Variants in ZNF695 observed in about 807,000 individuals in gnomAD.
ZNF695 encodes the protein zinc finger protein 695.
Under a neutral mutation model 11.2 loss-of-function variants are expected in ZNF695, and 11 were observed. The observed-to-expected ratio is 0.98, with a 90% CI of 0.62 to 1.62. ZNF695 has a LOEUF of 1.62. Among genes scored for constraint, ZNF695 ranks in the 40% most tolerant of loss-of-function variants. ZNF695 has a pLI of 0.00. For synonymous variants in ZNF695, 190 were observed against 201.4 expected (o/e 0.94, Z 0.48); for missense variants, 559 against 590.5 (o/e 0.95, Z 0.55).
At chr1:247,000,144 C>G (rs2103031760) in intron 1 of ZNF695, 70 bp from the exon 2 acceptor site, 1 of 1,361,094 alleles carries the variant, frequency 7.3e-7, no homozygotes, top group South Asian at 1.4e-5. Flanking sequence ...CAAGGAGAGA[C>G]AGTGAAGAGA....
intron 5 of ZNF695, chr1:246,967,445 A>G: frequency 2.2e-6 from 1 of 456,374 alleles, no homozygotes; most frequent in South Asian, 1.5e-5. Flanking sequence ...GTCAGATAGG[A>G]TCTCCTAATG....
At chr1:246,964,468 A>C (rs1050588065) in intron 5 of ZNF695, among the ~76,000 whole-genome samples, 2 of 152,204 alleles carry the variant, frequency 1.3e-5, no homozygotes, top group Admixed American at 6.5e-5. Context: ...GATTCTCCTA[A>C]CGCCCCTATT....
rs575289655 is a variant in ZNF695 at position 246,976,519 on chromosome 1, G to C, written c.391-8727C>G. Reference sequence around the variant, plus strand: ...AAAAGGAGTAAATTACACTGGCCGGGCGCGGTGGCTCACACCTGTAATCCC... The same window carrying C: ...AAAAGGAGTAAATTACACTGGCCGGCCGCGGTGGCTCACACCTGTAATCCC... On this transcript the variant is annotated intron_variant, in intron 4 of 5. Transcript: ENST00000487338. 2.4e-3 allele frequency among the ~76,000 whole-genome samples: 363 copies of C among 152,236 alleles called. 5 individuals are homozygous for C. The Middle Eastern group carries it at 0.027, about 11-fold the overall frequency.
At chr1:247,001,042 A>AT (rs1669364368) in intron 1 of ZNF695, among the ~76,000 whole-genome samples, 1 of 152,152 alleles carries the variant, frequency 6.6e-6, no homozygotes. Flanking sequence ...AAAACACCAC[A>AT]TATCAGTATT....
rs770520097 is a variant in ZNF695, at chr1:246,999,426, T to A, written c.181A>T (p.Lys61Ter). 2.5e-6 allele frequency: 4 copies of A among 1,613,720 alleles called. No homozygotes were observed. The East Asian group carries it at 8.9e-5, about 36-fold the overall frequency. The change falls in exon 3 of 4, where the codon AAG (lysine) becomes TAG (stop). Residue 61 changes from lysine to a stop codon, truncating the protein, a stop_gained. Coordinates refer to ENST00000339986, the MANE Select transcript of ZNF695 (RefSeq NM_020394.5). LOFTEE classifies it high-confidence loss of function. ...TCCAGACAGATGATCAGTTCTGGCT[T>A]AGACATAGCAAGACCTGTTTTATTA... ...QFLFHSLAMS[K>*]PELIICLEAR...
chr1:246,965,892 C>T (rs956236977), intron 5 of ZNF695, among the ~76,000 whole-genome samples: 5 of 151,722 alleles, frequency 3.3e-5, no homozygotes, highest in Non-Finnish European at 7.4e-5. Context: ...TACCTTGTTT[C>T]AGGTATTCTG....
At chr1:246,971,528 G>A (rs533632568) in intron 4 of ZNF695, among the ~76,000 whole-genome samples, 73 of 152,226 alleles carry the variant, frequency 4.8e-4, no homozygotes, top group African/African-American at 1.7e-3. Context: ...AGGCACTGAC[G>A]CTACCGCTAG....
chr1:246,963,018 T>G (rs1034183024), intron 5 of ZNF695, among the ~76,000 whole-genome samples: 1 of 152,102 alleles, frequency 6.6e-6, no homozygotes, highest in African/African-American at 2.4e-5. Flanking sequence ...TAGGCTGAAG[T>G]CCAAACACCT....
intron 4 of ZNF695, among the ~76,000 whole-genome samples, chr1:246,972,935 AT>A (rs1339987589): frequency 7.4e-6 from 1 of 135,938 alleles, no homozygotes; most frequent in Non-Finnish European, 1.5e-5. Flanking sequence ...TAATGTGTAT[AT>A]ATATATATAT....
chr1:247,006,492 T>C (rs1669545021), intron 1 of ZNF695, among the ~76,000 whole-genome samples: 1 of 151,928 alleles, frequency 6.6e-6, no homozygotes, highest in Non-Finnish European at 1.5e-5. Context: ...CTGCCTGTAT[T>C]CCCAGCTACC....
chr1:246,957,062 T>C (rs988139696), intron 5 of ZNF695, among the ~76,000 whole-genome samples: 1 of 152,168 alleles, frequency 6.6e-6, no homozygotes, highest in Non-Finnish European at 1.5e-5. Context: ...GTATTCTTTG[T>C]ACTACTCTTT....
chr1:247,000,201 T>G (rs531252148), intron 1 of ZNF695, 127 bp from the exon 2 acceptor site: 1 of 824,774 alleles, frequency 1.2e-6, no homozygotes, highest in Non-Finnish European at 1.8e-6. Flanking sequence ...AATAAGATAA[T>G]TTTTAACACA....
At chr1:246,949,455 T>G (rs1417262650) in intron 5 of ZNF695, among the ~76,000 whole-genome samples, 1 of 152,110 alleles carries the variant, frequency 6.6e-6, no homozygotes, top group African/African-American at 2.4e-5. Context: ...GTCGGGCATG[T>G]TGGCACATGC....
chr1:246,975,478 T>G (rs1384339950), intron 4 of ZNF695, among the ~76,000 whole-genome samples: 1 of 152,218 alleles, frequency 6.6e-6, no homozygotes, highest in Non-Finnish European at 1.5e-5. Context: ...ACGCAGACCA[T>G]TAAAATACAA....
chr1:246,987,392 T>C lies in ZNF695; in HGVS notation c.1123A>G (p.Thr375Ala). The C allele has an allele frequency of 3.1e-6, 5 of 1,613,176 alleles. No individual in the cohort carries two copies. Among genetic ancestry groups the C allele is most frequent in the Non-Finnish European group, 3.4e-6 (4 of 1,179,636 alleles). ...SHLTEHRRIH[T>A]GEKPYKCEEC... ...TCACATTTGTATGGTTTCTCACCAG[T>C]ATGAATTCTCCTATGTTCAGTCAGA... Residue 375 changes from threonine (T) to alanine (A), a missense_variant, in exon 4 of 4, where the codon ACT (threonine) becomes GCT (alanine). Transcript: ENST00000339986.
chr1:246,968,157 T>C (rs1479996665), intron 4 of ZNF695: 1 of 152,300 alleles, frequency 6.6e-6, no homozygotes, highest in Non-Finnish European at 1.5e-5. Context: ...TATGAGCCTG[T>C]AAAATCAAAA....
At chr1:247,007,872 T>C in intron 1 of ZNF695, 34 bp downstream of exon 1, 2 of 1,536,550 alleles carry the variant, frequency 1.3e-6, no homozygotes, top group Admixed American at 1.9e-5. Context: ...CCACCCCCTC[T>C]CCCTTCTCGG....
intron 3 of ZNF695, among the ~76,000 whole-genome samples, chr1:246,996,399 A>T (rs1383927023): frequency 6.6e-6 from 1 of 152,102 alleles, no homozygotes; most frequent in Admixed American, 6.6e-5. Flanking sequence ...AGAAATCGAG[A>T]TGTCTCAAAA....
At chr1:246,982,930 A>G (rs374763934), downstream of ZNF695, among the ~76,000 whole-genome samples, 84 of 149,964 alleles carry the variant, frequency 5.6e-4, no homozygotes, top group East Asian at 0.014. Context: ...CTGGCCGGGC[A>G]CGGTGGCTCA....
Sources: gnomAD v4.1 joint callset for allele counts (sites outside exome capture counted in the v4.1 genomes callset) on GRCh38, gnomAD v4.1.1 for gene constraint, MANE v1.5 for transcripts, NCBI Gene and HGNC (gene_info 2026-07-23, HGNC 2026-07-21) for gene names.